The following BCAP29 variants were observed in gnomAD, a reference collection of about 807,000 sequenced individuals.
The protein encoded by BCAP29 is B-cell receptor-associated protein 29.
A neutral mutation model predicts 31.8 loss-of-function variants in BCAP29; 34 were observed. The ratio of observed to expected loss-of-function variants is 1.07; its 90% CI spans 0.81 to 1.42. The LOEUF (loss-of-function observed/expected upper bound fraction) is 1.42. Among genes scored for constraint, BCAP29 ranks in the 40% most tolerant of loss-of-function variants. BCAP29 has a pLI of 0.00. For synonymous variants in BCAP29, 104 were observed against 91.3 expected (o/e 1.14, Z -0.79); for missense variants, 314 against 269.2 (o/e 1.17, Z -1.16).
chr7:107,603,062 C>T (rs1165061825), intron 6 of BCAP29, among the ~76,000 whole-genome samples: 1 of 148,578 alleles, frequency 6.7e-6, no homozygotes, highest in Non-Finnish European at 1.5e-5. Flanking sequence ...CTCTGCCTCC[C>T]GGGTTCACGC....
chr7:107,602,072 G>C (rs1452294926), intron 6 of BCAP29, among the ~76,000 whole-genome samples: 1 of 152,108 alleles, frequency 6.6e-6, no homozygotes, highest in Non-Finnish European at 1.5e-5. Context: ...TGAACTCTTT[G>C]ACAATGTAAG....
rs552717523 is a variant in BCAP29 at position 107,607,857 on chromosome 7, C to G, written c.590-5475C>G. On this transcript the variant is annotated intron_variant, in intron 6 of 7. Transcript: ENST00000005259. The stretch of plus-strand genomic sequence containing the variant: ...GTTTCACCATGTTGGCCAGGCTGGT[C>G]TTGAACTCCTGACCTGGTGGTCCGC... Among the ~76,000 whole-genome samples, 8 of 152,134 alleles carry G rather than the reference C, an allele frequency of 5.3e-5. 2 individuals carry two copies. The highest frequency in any genetic ancestry group is 1.9e-4 in the African/African-American group (8 of 41,516).
chr7:107,610,631 AAAATG>A (rs1467795616), intron 6 of BCAP29, among the ~76,000 whole-genome samples: 2 of 152,220 alleles, frequency 1.3e-5, no homozygotes, highest in African/African-American at 4.8e-5. Flanking sequence ...ACTGAAATAC[AAAATG>A]AAATAAGAAA....
At position 107,582,832 on chromosome 7, in the gene BCAP29, AC is replaced by A. The variant is rs1806944497; in HGVS notation, c.93-1048del. 5.3e-5 allele frequency among the ~76,000 whole-genome samples: 8 copies of A among 152,326 alleles called. No individual in the cohort carries two copies. In the South Asian group the frequency reaches 1.7e-3, roughly 32 times the overall value. ...ACATTTGGACCTAGATCAAGGTATTACCACTTATGTTCTCTTAAAAATATAA... is the reference window on the plus strand; with the variant it reads ...ACATTTGGACCTAGATCAAGGTATTACACTTATGTTCTCTTAAAAATATAA... On this transcript the variant is annotated intron_variant, in intron 2 of 7. Transcript: ENST00000005259.
At position 107,592,686 on chromosome 7, in the gene BCAP29, C is replaced by A. The variant is rs77001926; in HGVS notation, c.194-1269C>A. On this transcript the variant is annotated intron_variant, in intron 3 of 7. Coordinates refer to ENST00000005259, the MANE Select transcript of BCAP29 (RefSeq NM_018844.4). Reference sequence around the variant, plus strand: ...CCGGAAGGTGGAAACAGCTCAATGCCATCAACCAATGAATAGATAAACCAA... The same window carrying A: ...CCGGAAGGTGGAAACAGCTCAATGCAATCAACCAATGAATAGATAAACCAA... Among the ~76,000 whole-genome samples the A allele has an allele frequency of 4.3e-3, 658 of 152,318 alleles. 7 individuals are homozygous for A. Among genetic ancestry groups the A allele is most frequent in the African/African-American group, 0.015 (622 of 41,564 alleles).
In BCAP29 at chr7:107,603,929, C is replaced by A. The variant is rs577153045; in HGVS notation, c.589+3424C>A. On this transcript the variant is annotated intron_variant, in intron 6 of 7. Transcript: ENST00000005259. ...CTCAGCAATTTTTAAAAGAACTTTT[C>A]AAGTAATTCAGTCGTTGTAAAGTCA... Among the ~76,000 whole-genome samples the A allele has an allele frequency of 4.6e-5, 7 of 152,126 alleles. No individual in the cohort carries two copies. In the South Asian group the frequency reaches 1.2e-3, roughly 27 times the overall value.
At chr7:107,611,808 T>C (rs1396407243) in intron 6 of BCAP29, among the ~76,000 whole-genome samples, 3 of 152,214 alleles carry the variant, frequency 2.0e-5, no homozygotes, top group Admixed American at 2.0e-4. Context: ...TGGAGGAAAT[T>C]ATAGAGCTGT....
At chr7:107,590,676 A>G (rs1808549112) in intron 3 of BCAP29, among the ~76,000 whole-genome samples, 1 of 151,954 alleles carries the variant, frequency 6.6e-6, no homozygotes, top group African/African-American at 2.4e-5. Flanking sequence ...AAAATTAGCC[A>G]GGCATGGTGG....
At chr7:107,588,928 C>T (rs59383977) in intron 3 of BCAP29, among the ~76,000 whole-genome samples, 1 of 152,134 alleles carries the variant, frequency 6.6e-6, no homozygotes, top group African/African-American at 2.4e-5. Flanking sequence ...GAAATTTTGG[C>T]TGCTGGCCAC....
intron 7 of BCAP29, among the ~76,000 whole-genome samples, chr7:107,617,673 C>A (rs191227376): frequency 6.6e-6 from 1 of 152,206 alleles, no homozygotes; most frequent in East Asian, 1.9e-4. Flanking sequence ...CTACTCTTGT[C>A]TTTTTATTTG....
chr7:107,583,940 G>A lies in BCAP29; in HGVS notation c.151G>A (p.Ala51Thr). 6.3e-7 allele frequency: 1 copy of A among 1,584,968 alleles called. No homozygotes were observed. Among genetic ancestry groups the A allele is most frequent in the Non-Finnish European group, 8.6e-7 (1 of 1,164,664 alleles). ...WGKIATFWNK[A>T]FLTIIILLIV... ...TAAAATTGCAACTTTTTGGAACAAG[G>A]CTTTCCTTACCATTATCATCCTATT... The change falls in exon 3 of 8, where the codon GCT becomes ACT. Residue 51 changes from alanine (A) to threonine (T), a missense_variant. Transcript: ENST00000005259.
At chr7:107,595,789 A>G in intron 4 of BCAP29, 78 bp from the exon 5 acceptor site, 1 of 1,446,776 alleles carries the variant, frequency 6.9e-7, no homozygotes, top group Non-Finnish European at 9.4e-7. Flanking sequence ...TCTAATGGGG[A>G]GTAATTTGGC....
chr7:107,621,254 C>T (rs554294687), downstream of BCAP29: 4 of 166,756 alleles, frequency 2.4e-5, no homozygotes, highest in African/African-American at 4.8e-5. Flanking sequence ...TGGGATGATC[C>T]GTCTAGAGTC....
chr7:107,622,362 T>C (rs1005980712), downstream of BCAP29: 3 of 154,268 alleles, frequency 1.9e-5, no homozygotes, highest in African/African-American at 7.2e-5. Flanking sequence ...TCCCATCTAC[T>C]TTTCAGCCTC....
At chr7:107,595,507 G>A (rs1380850066) in intron 4 of BCAP29, among the ~76,000 whole-genome samples, 3 of 152,144 alleles carry the variant, frequency 2.0e-5, no homozygotes, top group Non-Finnish European at 2.9e-5. Context: ...CTTACACAAT[G>A]TTCCTTAAAT....
intron 1 of BCAP29, 163 bp from the exon 2 acceptor site, chr7:107,580,596 C>T (rs1585016583): frequency 3.7e-6 from 2 of 537,686 alleles, no homozygotes; most frequent in Non-Finnish European, 3.2e-6. Context: ...ACCCGCTTCC[C>T]GGGCCACCCT....
Position 107,619,280 on chromosome 7 carries a change from C to G in BCAP29, c.*917C>G, listed in dbSNP as rs1814698274. On this transcript the variant is annotated 3_prime_UTR_variant, in exon 8 of 8. Transcript: ENST00000005259. ...AGTCTTTCTACAATGTTTCTGTATT[C>G]TGAAAGCTAAATATTAAGTACTATT... The G allele has an allele frequency of 6.6e-6, 1 of 152,380 alleles. No homozygotes were observed. The highest frequency in any genetic ancestry group is 2.1e-4 in the South Asian group (1 of 4,826). The allele number at this position is 152,380 out of a possible 1,614,324, so 9.4% of individuals were successfully genotyped here. A position where few individuals can be genotyped will look rare whatever the true frequency, so the allele number is the denominator to read the frequency against.
chr7:107,589,999 C>G (rs1808433101), intron 3 of BCAP29, among the ~76,000 whole-genome samples: 1 of 152,088 alleles, frequency 6.6e-6, no homozygotes, highest in Non-Finnish European at 1.5e-5. Flanking sequence ...AAAACCTATA[C>G]ATGTTTGAAA....
chr7:107,580,324 G>C (rs1206366604), intron 1 of BCAP29, 23 bp downstream of exon 1: 1 of 153,082 alleles, frequency 6.5e-6, no homozygotes, highest in East Asian at 1.9e-4. Flanking sequence ...GCGACCCGGG[G>C]ACCCGTGGGG....
Sources: allele counts gnomAD v4.1 joint callset (sites outside exome capture counted in the v4.1 genomes callset), GRCh38; gene constraint gnomAD v4.1.1; transcripts MANE v1.5; gene names NCBI Gene and HGNC (gene_info 2026-07-23, HGNC 2026-07-21).